The following TENM3 variants were observed in gnomAD, a reference collection of about 807,000 sequenced individuals.
The protein encoded by TENM3 is teneurin transmembrane protein 3.
In TENM3, 63 loss-of-function variants were observed where a neutral mutation model predicts 255.1. That is an observed-to-expected ratio of 0.25 (90% CI 0.20 to 0.30). The LOEUF (loss-of-function observed/expected upper bound fraction) is 0.30, where lower values mean the gene tolerates loss of function less well. Among genes scored for constraint, TENM3 ranks in the 10% least tolerant of loss-of-function variants. TENM3 has a pLI of 1.00. For missense variants in TENM3, 2,929 were observed against 3,461.1 expected, an observed-to-expected ratio of 0.85 and a Z score of 3.86; for synonymous variants, 1,306 against 1,322.3, an observed-to-expected ratio of 0.99 and a Z score of 0.27.
intron 11 of TENM3, among the ~76,000 whole-genome samples, chr4:182,682,687 C>G (rs1047216956): frequency 2.0e-5 from 3 of 151,998 alleles, no homozygotes; most frequent in African/African-American, 7.2e-5. Flanking sequence ...TATACATGCA[C>G]ATACTCACAT....
chr4:182,064,349 AG>A, the TENM3 span, among the ~76,000 whole-genome samples: 1 of 152,026 alleles, frequency 6.6e-6, no homozygotes, highest in Admixed American at 6.6e-5. Context: ...GAGGCTGAGA[AG>A]GGCGGATCAC....
chr4:182,003,673 G>A, the TENM3 span, among the ~76,000 whole-genome samples: 1 of 151,800 alleles, frequency 6.6e-6, no homozygotes, highest in Non-Finnish European at 1.5e-5. Context: ...CACTGACAAG[G>A]GAAATTATAT....
chr4:181,766,196 G>C, the TENM3 span, among the ~76,000 whole-genome samples: 1 of 152,182 alleles, frequency 6.6e-6, no homozygotes, highest in African/African-American at 2.4e-5. Context: ...TGGAGGATAA[G>C]ACCAGCAACT....
chr4:182,662,938 C>G (rs1754350609), intron 6 of TENM3, among the ~76,000 whole-genome samples: 1 of 152,104 alleles, frequency 6.6e-6, no homozygotes, highest in Non-Finnish European at 1.5e-5. Context: ...AAGACAAAGC[C>G]CCTTCACGAA....
At chr4:181,639,697 G>A in the TENM3 span, among the ~76,000 whole-genome samples, 4 of 152,160 alleles carry the variant, frequency 2.6e-5, no homozygotes, top group African/African-American at 4.8e-5. Flanking sequence ...CCGAGATCAC[G>A]CCAGTGTACT....
the TENM3 span, among the ~76,000 whole-genome samples, chr4:181,889,667 C>G: frequency 6.6e-6 from 1 of 152,264 alleles, no homozygotes; most frequent in Non-Finnish European, 1.5e-5. Flanking sequence ...ACTGCTCTTG[C>G]TTTGAACAGC....
chr4:182,739,617 A>G (rs2152728875), intron 18 of TENM3, among the ~76,000 whole-genome samples: 1 of 152,346 alleles, frequency 6.6e-6, no homozygotes. Flanking sequence ...AGTTTTTCAT[A>G]TTAATGTTGC....
chr4:182,239,087 C>G (rs13126079), upstream of TENM3, among the ~76,000 whole-genome samples: 1 of 93,374 alleles, frequency 1.1e-5, no homozygotes, highest in African/African-American at 4.1e-5. Context: ...TTTTTTTTTT[C>G]TTTTTTTGAG....
the TENM3 span, among the ~76,000 whole-genome samples, chr4:181,483,737 C>A: frequency 6.6e-6 from 1 of 152,120 alleles, no homozygotes; most frequent in Admixed American, 6.6e-5. Context: ...GCAGTGGTAT[C>A]AATACAAGTC....
intron 1 of TENM3, among the ~76,000 whole-genome samples, chr4:182,224,125 A>C (rs1406237658): frequency 6.6e-6 from 1 of 152,188 alleles, no homozygotes; most frequent in African/African-American, 2.4e-5. Context: ...TCTTCGGATA[A>C]ATTTCCTTAA....
At chr4:182,659,201 G>T (rs1754006023) in intron 6 of TENM3, among the ~76,000 whole-genome samples, 2 of 152,028 alleles carry the variant, frequency 1.3e-5, no homozygotes, top group African/African-American at 4.8e-5. Context: ...TTCCAAATTT[G>T]CCTCTCTTTC....
the TENM3 span, among the ~76,000 whole-genome samples, chr4:181,891,186 A>T: frequency 6.6e-6 from 1 of 152,252 alleles, no homozygotes; most frequent in Non-Finnish European, 1.5e-5. Context: ...TCATAAGCTC[A>T]AAAACGTAAA....
At chr4:181,742,861 G>A in the TENM3 span, among the ~76,000 whole-genome samples, 5 of 132,418 alleles carry the variant, frequency 3.8e-5, no homozygotes, top group African/African-American at 1.5e-4. Context: ...AGAGTGTGAT[G>A]TTCCCCTTCC....
At chr4:182,779,757 A>G (rs1298503944) in intron 24 of TENM3, among the ~76,000 whole-genome samples, 19 of 152,136 alleles carry the variant, frequency 1.2e-4, no homozygotes, top group African/African-American at 2.2e-4. Context: ...CATTCTAACT[A>G]GTGTGAGATG....
chr4:181,910,175 A>AT, the TENM3 span, among the ~76,000 whole-genome samples: 1 of 152,170 alleles, frequency 6.6e-6, no homozygotes, highest in Non-Finnish European at 1.5e-5. Context: ...ATATCCATGC[A>AT]TATATATAGT....
At chr4:181,632,126 A>G in the TENM3 span, among the ~76,000 whole-genome samples, 1 of 152,120 alleles carries the variant, frequency 6.6e-6, no homozygotes. Flanking sequence ...AAAGAGGTTT[A>G]ATTGACTCAC....
Position 182,712,361 on chromosome 4 carries a change from A to G in TENM3, c.2222-1726A>G, listed in dbSNP as rs550879357. On this transcript the variant is annotated intron_variant, in intron 12 of 27. Transcript: ENST00000511685. The stretch of plus-strand genomic sequence containing the variant: ...GCAATATCCAGGCTTTCATATACCA[A>G]CTCCTACGTGCAGTCAGTCAGCTGC... Among the ~76,000 whole-genome samples the G allele has an allele frequency of 3.5e-4, 53 of 151,676 alleles. No homozygotes were observed. In the South Asian group the frequency reaches 9.6e-3, roughly 28 times the overall value.
At chr4:181,577,963 C>T in the TENM3 span, among the ~76,000 whole-genome samples, 1 of 152,096 alleles carries the variant, frequency 6.6e-6, no homozygotes, top group African/African-American at 2.4e-5. Context: ...TCCTTCAGTC[C>T]GTCCATCCTC....
At position 182,792,246 on chromosome 4, in the gene TENM3, T is replaced by C; in HGVS notation, c.5602-28T>C. The C allele has an allele frequency of 6.4e-7, 1 of 1,571,288 alleles. No individual in the cohort carries two copies. Among genetic ancestry groups the C allele is most frequent in the Non-Finnish European group, 8.6e-7 (1 of 1,161,636 alleles). On this transcript the variant is annotated intron_variant, in intron 25 of 27. Transcript: ENST00000511685. This position sits in a 1 kb window ranked among gnomAD's most constrained non-coding sequence, Gnocchi z 6.3. The stretch of plus-strand genomic sequence containing the variant: ...TTTTGCATCTCCCGTTCACAAACAC[T>C]GAGTAACAGTATGTTCTCTCTTTAC...
Sources: allele counts gnomAD v4.1 joint callset (sites outside exome capture counted in the v4.1 genomes callset), GRCh38; gene constraint gnomAD v4.1.1; non-coding constraint Gnocchi (gnomAD v3.1); transcripts MANE v1.5; gene names NCBI Gene and HGNC (gene_info 2026-07-23, HGNC 2026-07-21).